The following PARVB variants were observed in gnomAD, a reference collection of about 807,000 sequenced individuals.
The protein encoded by PARVB is beta-parvin.
PARVB carries 46 observed loss-of-function variants against 47.0 expected under a neutral mutation model. The observed-to-expected ratio is 0.98, with a 90% CI of 0.77 to 1.25. PARVB has a LOEUF of 1.25. Ranked by LOEUF, PARVB falls within the 50% of genes most tolerant of loss-of-function variation. The pLI is 0.00. For missense variants in PARVB, 473 were observed against 471.6 expected, an observed-to-expected ratio of 1.00 and a Z score of -0.03; for synonymous variants, 196 against 196.3, an observed-to-expected ratio of 1.00 and a Z score of 0.01.
chr22:44,051,040 C>T (rs1369062755), intron 1 of PARVB, among the ~76,000 whole-genome samples: 2 of 152,156 alleles, frequency 1.3e-5, no homozygotes, highest in Non-Finnish European at 1.5e-5. Context: ...AAGAGAGTCT[C>T]GGGAGGCCTG....
intron 2 of PARVB, among the ~76,000 whole-genome samples, chr22:44,011,944 G>A (rs1034515823): frequency 1.3e-5 from 2 of 152,200 alleles, no homozygotes; most frequent in African/African-American, 2.4e-5. Flanking sequence ...GTGATACCTG[G>A]ATGGCAAATG....
At chr22:44,164,758 G>T (rs1430690649) in intron 12 of PARVB, among the ~76,000 whole-genome samples, 1 of 152,170 alleles carries the variant, frequency 6.6e-6, no homozygotes, top group Non-Finnish European at 1.5e-5. Context: ...TGCTATATGA[G>T]TTGGGAGCCC....
intron 3 of PARVB, chr22:44,104,235 T>C (rs2052517523): frequency 6.6e-6 from 1 of 152,222 alleles, no homozygotes; most frequent in Non-Finnish European, 1.5e-5. Flanking sequence ...AGGCAAATTC[T>C]GGAAGGCTCC....
At chr22:44,163,121 G>A (rs1009105490) in intron 11 of PARVB, among the ~76,000 whole-genome samples, 28 of 152,164 alleles carry the variant, frequency 1.8e-4, no homozygotes, top group South Asian at 4.1e-4. Flanking sequence ...CCAGGCCTGC[G>A]TGCCTCTGCA....
At chr22:44,043,125 A>C (rs1249255512) in intron 1 of PARVB, among the ~76,000 whole-genome samples, 1 of 152,220 alleles carries the variant, frequency 6.6e-6, no homozygotes, top group Non-Finnish European at 1.5e-5. Context: ...TCTGGAAAAC[A>C]GGCTCAGTGA....
chr22:44,166,545 T>C (rs2054172544), intron 12 of PARVB, among the ~76,000 whole-genome samples: 3 of 152,190 alleles, frequency 2.0e-5, no homozygotes, highest in Admixed American at 2.0e-4. Flanking sequence ...GGACGGCACG[T>C]TAGGGAACCC....
chr22:44,093,532 G>T (rs568555777), intron 1 of PARVB, among the ~76,000 whole-genome samples: 1 of 152,306 alleles, frequency 6.6e-6, no homozygotes, highest in East Asian at 1.9e-4. Context: ...GGTTCAGGAC[G>T]CAGCCCCCCG....
At chr22:44,126,862 A>G (rs1479792274) in intron 4 of PARVB, among the ~76,000 whole-genome samples, 1 of 152,142 alleles carries the variant, frequency 6.6e-6, no homozygotes, top group Non-Finnish European at 1.5e-5. Flanking sequence ...TGGCTGTGGA[A>G]CTGGCCCTCA....
At chr22:44,039,056 A>G (rs2050971595) in intron 1 of PARVB, among the ~76,000 whole-genome samples, 1 of 152,192 alleles carries the variant, frequency 6.6e-6, no homozygotes, top group Admixed American at 6.5e-5. Context: ...CATGAGAAGA[A>G]CAGGGAATGC....
intron 3 of PARVB, among the ~76,000 whole-genome samples, chr22:44,100,914 C>T (rs1178918142): frequency 2.0e-5 from 3 of 152,062 alleles, no homozygotes; most frequent in South Asian, 2.1e-4. Context: ...TAGCCCACGG[C>T]GAGCTTGGGC....
intron 1 of PARVB, among the ~76,000 whole-genome samples, chr22:44,064,070 G>T (rs2051471947): frequency 6.6e-6 from 1 of 152,210 alleles, no homozygotes; most frequent in African/African-American, 2.4e-5. Context: ...CCATGCAAGG[G>T]CAGAGGGCTG....
intron 1 of PARVB, among the ~76,000 whole-genome samples, chr22:44,076,988 C>T (rs1266520928): frequency 2.6e-5 from 4 of 152,132 alleles, no homozygotes; most frequent in Non-Finnish European, 1.5e-5. Flanking sequence ...TGGCCTGGGT[C>T]CCCCTTTGGT....
intron 1 of PARVB, among the ~76,000 whole-genome samples, chr22:44,044,707 A>G (rs1439777943): frequency 6.6e-6 from 1 of 150,744 alleles, no homozygotes; most frequent in Non-Finnish European, 1.5e-5. Context: ...GTGGGTCTCA[A>G]ACTCCTGACC....
Position 44,068,042 on chromosome 22 carries a change from G to A in PARVB, c.113-25886G>A, listed in dbSNP as rs187575552. ...AGTCCACTGCCTGCCCCAGAGCCCCGCCTGGAGCACCTGCTGGGTCGGGAC... is the reference window on the plus strand; with the variant it reads ...AGTCCACTGCCTGCCCCAGAGCCCCACCTGGAGCACCTGCTGGGTCGGGAC... On this transcript the variant is annotated intron_variant, in intron 1 of 12. Coordinates refer to ENST00000338758, the MANE Select transcript of PARVB (RefSeq NM_013327.5). This position sits in a 1 kb window ranked among gnomAD's most constrained non-coding sequence, Gnocchi z 4.1. Among the ~76,000 whole-genome samples the A allele has an allele frequency of 2.8e-4, 43 of 152,248 alleles. No homozygotes were observed. Among genetic ancestry groups the A allele is most frequent in the Non-Finnish European group, 5.7e-4 (39 of 68,014 alleles).
chr22:44,081,372 T>C (rs1217276655), intron 1 of PARVB, among the ~76,000 whole-genome samples: 5 of 152,214 alleles, frequency 3.3e-5, no homozygotes, highest in Non-Finnish European at 4.4e-5. Context: ...AGACAGCCGC[T>C]AGAGGGCACT....
intron 3 of PARVB, among the ~76,000 whole-genome samples, chr22:44,101,955 A>T (rs1482516860): frequency 6.6e-6 from 1 of 152,184 alleles, no homozygotes; most frequent in Admixed American, 6.5e-5. Flanking sequence ...TAAGCAAGGG[A>T]TGCATGAGAA....
chr22:44,007,343 A>T (rs1271003821), intron 2 of PARVB, among the ~76,000 whole-genome samples: 1 of 152,054 alleles, frequency 6.6e-6, no homozygotes, highest in Admixed American at 6.5e-5. Flanking sequence ...GCAGTTTAGC[A>T]TGGGGCCTGC....
intron 9 of PARVB, 42 bp from the exon 10 acceptor site, chr22:44,151,441 G>A (rs1175802788): frequency 2.0e-6 from 3 of 1,495,936 alleles, no homozygotes; most frequent in African/African-American, 1.4e-5. Context: ...GGACCTGCAT[G>A]CGGGCCATTC....
At chr22:44,073,536 G>A (rs1269807267) in intron 1 of PARVB, among the ~76,000 whole-genome samples, 1 of 152,186 alleles carries the variant, frequency 6.6e-6, no homozygotes, top group Non-Finnish European at 1.5e-5. Flanking sequence ...TGCTTTTCCA[G>A]CTCCTGACTC....
Sources: gnomAD v4.1 joint callset for allele counts (sites outside exome capture counted in the v4.1 genomes callset) on GRCh38, gnomAD v4.1.1 for gene constraint, Gnocchi (gnomAD v3.1) non-coding constraint, MANE v1.5 for transcripts, NCBI Gene and HGNC (gene_info 2026-07-23, HGNC 2026-07-21) for gene names.